INSYN2B: variants seen among roughly 807,000 people sequenced by gnomAD.
INSYN2B encodes the protein protein INSYN2B.
INSYN2B carries 16 observed loss-of-function variants against 41.2 expected under a neutral mutation model. The observed-to-expected ratio is 0.39, with a 90% CI of 0.26 to 0.59. The LOEUF is 0.59. INSYN2B is among the 20% of genes least tolerant of loss of function. The probability of loss-of-function intolerance (pLI) is 0.57; values close to 1 mark genes in which losing one functional copy is unlikely to be tolerated. For missense variants in INSYN2B, 608 were observed against 646.4 expected, an observed-to-expected ratio of 0.94 and a Z score of 0.64; for synonymous variants, 245 against 244.4, an observed-to-expected ratio of 1.00 and a Z score of -0.02.
At chr5:169,912,576 G>A (rs191490994) in intron 1 of INSYN2B, among the ~76,000 whole-genome samples, 239 of 151,984 alleles carry the variant, frequency 1.6e-3, no homozygotes, top group Non-Finnish European at 3.0e-3. Flanking sequence ...AAACCATTAC[G>A]TTGTAAACAG....
At chr5:169,872,078 C>T (rs574230357) in intron 3 of INSYN2B, among the ~76,000 whole-genome samples, 1 of 152,264 alleles carries the variant, frequency 6.6e-6, no homozygotes, top group Non-Finnish European at 1.5e-5. Context: ...GCAAGTTGGC[C>T]GAGAAGTGAA....
At chr5:169,941,138 C>T (rs892730864) in intron 1 of INSYN2B, among the ~76,000 whole-genome samples, 2 of 152,120 alleles carry the variant, frequency 1.3e-5, no homozygotes, top group Admixed American at 6.5e-5. Flanking sequence ...CACAGGGTGT[C>T]GGGAGAGCAG....
At chr5:169,978,814 C>T (rs1185308945) in intron 1 of INSYN2B, among the ~76,000 whole-genome samples, 1 of 152,156 alleles carries the variant, frequency 6.6e-6, no homozygotes, top group Admixed American at 6.5e-5. Flanking sequence ...CAGCCAAGTG[C>T]CTGCGATGAT....
intron 1 of INSYN2B, among the ~76,000 whole-genome samples, chr5:169,936,578 C>CTTTTTTT (rs4041977): frequency 4.1e-5 from 5 of 122,806 alleles, no homozygotes; most frequent in African/African-American, 1.3e-4. Context: ...TCTCAGACTC[C>CTTTTTTT]TTTTTTTTTT....
chr5:169,977,638 A>C (rs1777761940), intron 1 of INSYN2B, among the ~76,000 whole-genome samples: 1 of 152,214 alleles, frequency 6.6e-6, no homozygotes, highest in Non-Finnish European at 1.5e-5. Flanking sequence ...CCCCACTCTC[A>C]TGCTTGCATC....
chr5:169,899,800 T>C (rs981945405), intron 1 of INSYN2B, among the ~76,000 whole-genome samples: 5 of 152,248 alleles, frequency 3.3e-5, no homozygotes, highest in Non-Finnish European at 5.9e-5. Context: ...TTGTGCCTTT[T>C]GTTGACTCCA....
chr5:169,967,796 A>C (rs1777357115), intron 1 of INSYN2B, among the ~76,000 whole-genome samples: 1 of 151,356 alleles, frequency 6.6e-6, no homozygotes, highest in Non-Finnish European at 1.5e-5. Context: ...TAGGGAGAGA[A>C]ATGAACAAAC....
Position 169,883,097 on chromosome 5 carries a change from T to G in INSYN2B, c.802A>C (p.Thr268Pro). The change falls in exon 2 of 4, where the codon ACA becomes CCA. Residue 268 changes from threonine to proline, a missense_variant. Physicochemically the swap from Thr to Pro is conservative, Grantham distance 38 (BLOSUM62 -1). Coordinates refer to ENST00000377365, the MANE Select transcript of INSYN2B (RefSeq NM_001129891.3). ...CLNATSVASH[T>P]PGTEELKPEL... ...GGTTTAAGTTCCTCTGTGCCTGGTG[T>G]GTGGCTGGCAACGCTGGTGGCATTT... 2 of 1,551,642 alleles carry G rather than the reference T, an allele frequency of 1.3e-6. No homozygotes were observed. Among genetic ancestry groups the G allele is most frequent in the Non-Finnish European group, 8.7e-7 (1 of 1,146,946 alleles).
chr5:169,909,085 T>TTTCAGTA (rs1774452054), intron 1 of INSYN2B, among the ~76,000 whole-genome samples: 1 of 152,220 alleles, frequency 6.6e-6, no homozygotes, highest in Non-Finnish European at 1.5e-5. Context: ...TAGCTGCTGC[T>TTTCAGTA]GATGTGAGGA....
At chr5:169,923,803 T>C (rs886461412) in intron 1 of INSYN2B, among the ~76,000 whole-genome samples, 21 of 152,218 alleles carry the variant, frequency 1.4e-4, no homozygotes, top group African/African-American at 5.1e-4. Flanking sequence ...GTTATTTGCA[T>C]AGATGTTATG....
chr5:169,934,619 C>A, intron 1 of INSYN2B: 1 of 456,098 alleles, frequency 2.2e-6, no homozygotes, highest in Non-Finnish European at 4.4e-6. Flanking sequence ...CAAGATACTT[C>A]CCCTTGCTAA....
chr5:169,890,583 G>A (rs540188758), intron 1 of INSYN2B, among the ~76,000 whole-genome samples: 1 of 152,154 alleles, frequency 6.6e-6, no homozygotes, highest in South Asian at 2.1e-4. Context: ...GTATATTTTG[G>A]GGGTCTGCCT....
At position 169,937,617 on chromosome 5, in the gene INSYN2B, TAAC is replaced by T. The variant is rs543842313; in HGVS notation, c.-919+42657_-919+42659del. Among the ~76,000 whole-genome samples, 297 of 142,024 alleles carry T rather than the reference TAAC, an allele frequency of 2.1e-3. 1 individual carries two copies. Among genetic ancestry groups the T allele is most frequent in the African/African-American group, 7.4e-3 (281 of 38,054 alleles). 93.2% of individuals were successfully genotyped at this position (142,024 alleles called of 152,430 possible). A position where few individuals can be genotyped will look rare whatever the true frequency, so the allele number is the denominator to read the frequency against. Reference sequence around the variant, plus strand: ...ATCTATATTAACTTGTTTAATCCCATAACAACCTATGAGGGAGATATAATTATT... The same window carrying T: ...ATCTATATTAACTTGTTTAATCCCATAACCTATGAGGGAGATATAATTATT... On this transcript the variant is annotated intron_variant, in intron 1 of 3. Transcript: ENST00000377365.
chr5:169,870,221 G>A (rs1771865102), intron 3 of INSYN2B, among the ~76,000 whole-genome samples: 1 of 152,184 alleles, frequency 6.6e-6, no homozygotes, highest in South Asian at 2.1e-4. Context: ...GAAATGGTAA[G>A]AACTTTCAGG....
At chr5:169,864,906 G>A (rs1771446166) in intron 3 of INSYN2B, among the ~76,000 whole-genome samples, 1 of 152,160 alleles carries the variant, frequency 6.6e-6, no homozygotes, top group African/African-American at 2.4e-5. Context: ...GCTTTCTTTG[G>A]AATTAATGTG....
In INSYN2B at chr5:169,882,942, C is replaced by A. The variant is rs912950568; in HGVS notation, c.957G>T (p.Gln319His). 6.4e-7 allele frequency: 1 copy of A among 1,551,664 alleles called. No homozygotes were observed. Among genetic ancestry groups the A allele is most frequent in the African/African-American group, 1.4e-5 (1 of 72,998 alleles). ...CTGAGGCTCTTCCTGGGTGGGCTGG[C>A]TGGCTGTGGGAGCCTTGTGAGGGGG... Reference protein sequence around the residue: ...HSSPSQGSHSQPAHPGRASDC... With the variant: ...HSSPSQGSHSHPAHPGRASDC... Residue 319 changes from glutamine to histidine, a missense_variant, in exon 2 of 4, where the codon CAG becomes CAT. Coordinates refer to ENST00000377365, the MANE Select transcript of INSYN2B (RefSeq NM_001129891.3).
At chr5:169,875,179 T>C (rs1483233193) in intron 3 of INSYN2B, 4 of 454,114 alleles carry the variant, frequency 8.8e-6, no homozygotes, top group Non-Finnish European at 1.8e-5. Context: ...ACCCTGATTT[T>C]TTACCTAAAA....
intron 1 of INSYN2B, among the ~76,000 whole-genome samples, chr5:169,899,635 C>G (rs1024834457): frequency 6.6e-6 from 1 of 152,068 alleles, no homozygotes; most frequent in African/African-American, 2.4e-5. Flanking sequence ...TGCTTTTGTT[C>G]GATGTTAGTG....
chr5:169,978,077 G>C (rs1286937419), intron 1 of INSYN2B, among the ~76,000 whole-genome samples: 1 of 152,044 alleles, frequency 6.6e-6, no homozygotes, highest in Non-Finnish European at 1.5e-5. Flanking sequence ...CCTCTCACTG[G>C]TGCTTTCTAT....
Sources: gnomAD v4.1 joint callset for allele counts (sites outside exome capture counted in the v4.1 genomes callset) on GRCh38, gnomAD v4.1.1 for gene constraint, MANE v1.5 for transcripts, NCBI Gene and HGNC (gene_info 2026-07-23, HGNC 2026-07-21) for gene names.